Variants in DLC1 observed in about 807,000 individuals in gnomAD.
DLC1 encodes the protein DLC1 Rho GTPase activating protein.
In DLC1, 54 loss-of-function variants were observed where a neutral mutation model predicts 140.3. The ratio of observed to expected loss-of-function variants is 0.38; its 90% CI spans 0.31 to 0.48. The LOEUF (loss-of-function observed/expected upper bound fraction) is 0.48, where lower values mean the gene tolerates loss of function less well. Ranked by LOEUF, DLC1 falls within the 20% of genes least tolerant of loss-of-function variation. The pLI, the probability that DLC1 is intolerant of heterozygous loss-of-function variation, is 0.96. For missense variants in DLC1, 2,536 were observed against 1,907.0 expected (o/e 1.33, Z -6.14); for synonymous variants, 986 against 728.1 (o/e 1.35, Z -5.70).
intron 2 of DLC1, among the ~76,000 whole-genome samples, chr8:13,458,581 T>A (rs2117012623): frequency 6.6e-6 from 1 of 152,336 alleles, no homozygotes; most frequent in East Asian, 1.9e-4. Context: ...GAGATCACAC[T>A]GTGCAATGTC....
At chr8:13,384,820 CT>C (rs1178341278) in intron 4 of DLC1, among the ~76,000 whole-genome samples, 1 of 151,962 alleles carries the variant, frequency 6.6e-6, no homozygotes, top group Non-Finnish European at 1.5e-5. Context: ...ATGAAGAAAC[CT>C]TAGAAATGAA....
At chr8:13,592,138 C>T (rs1228054600) in intron 1 of DLC1, among the ~76,000 whole-genome samples, 1 of 151,978 alleles carries the variant, frequency 6.6e-6, no homozygotes, top group Admixed American at 6.6e-5. Context: ...AGCAAGGGGC[C>T]TGAGCAAGTA....
chr8:13,375,173 G>T (rs1344942281), intron 4 of DLC1, among the ~76,000 whole-genome samples: 1 of 151,546 alleles, frequency 6.6e-6, no homozygotes, highest in African/African-American at 2.4e-5. Context: ...GACTACAGGC[G>T]CCCGCCACTA....
At chr8:13,498,610 C>T (rs1218552408) in intron 2 of DLC1, among the ~76,000 whole-genome samples, 1 of 151,998 alleles carries the variant, frequency 6.6e-6, no homozygotes, top group Non-Finnish European at 1.5e-5. Flanking sequence ...TTTATACCAC[C>T]TTTTTTTCTT....
chr8:13,501,721 C>A (rs976434018), intron 1 of DLC1, among the ~76,000 whole-genome samples: 1 of 152,176 alleles, frequency 6.6e-6, no homozygotes, highest in Admixed American at 6.5e-5. Context: ...CTATTTGGTT[C>A]CCTCAGAGGT....
At chr8:13,534,260 A>G (rs1803194383) in intron 1 of DLC1, among the ~76,000 whole-genome samples, 1 of 152,176 alleles carries the variant, frequency 6.6e-6, no homozygotes, top group East Asian at 1.9e-4. Flanking sequence ...TTTGATACCC[A>G]TGCAGTAGGA....
rs371127745 is a variant in DLC1, at chr8:13,185,624, T to C, written c.1349-69967A>G. 1.6e-3 allele frequency among the ~76,000 whole-genome samples: 246 copies of C among 152,272 alleles called. 1 individual carries two copies. Among genetic ancestry groups the C allele is most frequent in the African/African-American group, 5.7e-3 (238 of 41,560 alleles). Reference sequence around the variant, plus strand: ...GCCCGGCCCAGTCTGTGTCTTTTAATTGGGGCATTTAGCCCATTTACATTT... The same window carrying C: ...GCCCGGCCCAGTCTGTGTCTTTTAACTGGGGCATTTAGCCCATTTACATTT... On this transcript the variant is annotated intron_variant, in intron 5 of 17. Transcript: ENST00000276297.
chr8:13,537,809 A>G (rs1296570219), intron 1 of DLC1, among the ~76,000 whole-genome samples: 1 of 151,768 alleles, frequency 6.6e-6, no homozygotes, highest in Non-Finnish European at 1.5e-5. Context: ...GCCCGCCACC[A>G]TGCCCGCCTA....
At chr8:13,364,174 C>T (rs1835374092) in intron 4 of DLC1, among the ~76,000 whole-genome samples, 1 of 152,158 alleles carries the variant, frequency 6.6e-6, no homozygotes, top group African/African-American at 2.4e-5. Context: ...CCAGATTCTT[C>T]AGTAACACAC....
chr8:13,543,424 C>A (rs1253343615), intron 1 of DLC1, among the ~76,000 whole-genome samples: 1 of 151,954 alleles, frequency 6.6e-6, no homozygotes, highest in East Asian at 1.9e-4. Context: ...ACTTCTTTTC[C>A]TTTGGGTAAA....
intron 2 of DLC1, among the ~76,000 whole-genome samples, chr8:13,478,064 A>G (rs561684577): frequency 6.6e-6 from 1 of 152,198 alleles, no homozygotes; most frequent in Non-Finnish European, 1.5e-5. Flanking sequence ...TTGTTCTCGC[A>G]TTGCTATAAA....
intron 2 of DLC1, among the ~76,000 whole-genome samples, chr8:13,410,478 A>G (rs1052465434): frequency 6.6e-5 from 10 of 152,152 alleles, no homozygotes; most frequent in Admixed American, 5.9e-4. Context: ...AAATCTGATA[A>G]TTTCAACAAA....
intron 1 of DLC1, among the ~76,000 whole-genome samples, chr8:13,561,953 T>C (rs1036956123): frequency 6.6e-6 from 1 of 152,118 alleles, no homozygotes; most frequent in Non-Finnish European, 1.5e-5. Flanking sequence ...ATAGATAATA[T>C]GATTATATAT....
chr8:13,265,895 C>G (rs979307914), intron 5 of DLC1, among the ~76,000 whole-genome samples: 2 of 152,160 alleles, frequency 1.3e-5, no homozygotes, highest in Non-Finnish European at 2.9e-5. Flanking sequence ...TTGTTATTGT[C>G]TAAAATAGTG....
intron 1 of DLC1, among the ~76,000 whole-genome samples, chr8:13,592,579 A>G (rs78342251): frequency 0.076 from 11,597 of 152,050 alleles, 1,121 homozygotes; most frequent in African/African-American, 0.21. Flanking sequence ...AATCCAAAAC[A>G]TATTTTGGTG....
At chr8:13,538,659 G>C (rs887979007) in intron 1 of DLC1, among the ~76,000 whole-genome samples, 7 of 152,162 alleles carry the variant, frequency 4.6e-5, no homozygotes, top group Admixed American at 2.0e-4. Flanking sequence ...CACTATAGTA[G>C]GGTGGGATGA....
chr8:13,144,469 AT>A (rs1169054729), intron 5 of DLC1, among the ~76,000 whole-genome samples: 1 of 152,214 alleles, frequency 6.6e-6, no homozygotes, highest in Non-Finnish European at 1.5e-5. Context: ...AATTCCCTTA[AT>A]AAATTATCTC....
chr8:13,533,702 T>C (rs1803176817), intron 1 of DLC1, among the ~76,000 whole-genome samples: 1 of 152,202 alleles, frequency 6.6e-6, no homozygotes, highest in African/African-American at 2.4e-5. Flanking sequence ...TGATATGGTT[T>C]GACTCTGTGT....
intron 5 of DLC1, among the ~76,000 whole-genome samples, chr8:13,126,587 C>T (rs1027566076): frequency 6.6e-6 from 1 of 152,100 alleles, no homozygotes; most frequent in Admixed American, 6.5e-5. Context: ...TTCTGAGTCT[C>T]ATTTTTTTTT....
Sources: allele counts gnomAD v4.1 joint callset (sites outside exome capture counted in the v4.1 genomes callset), GRCh38; gene constraint gnomAD v4.1.1; transcripts MANE v1.5; gene names NCBI Gene and HGNC (gene_info 2026-07-23, HGNC 2026-07-21).